ZNF721: variants seen among roughly 807,000 people sequenced by gnomAD.
The protein encoded by ZNF721 is zinc finger protein 721.
ZNF721 carries 2 observed loss-of-function variants against 2.4 expected under a neutral mutation model. That is an observed-to-expected ratio of 0.82 (90% CI 0.34 to 2.58). The LOEUF (loss-of-function observed/expected upper bound fraction) is 2.58, where lower values mean the gene tolerates loss of function less well. Among genes scored for constraint, ZNF721 ranks in the 30% most tolerant of loss-of-function variants. The probability of loss-of-function intolerance (pLI) is 0.11; values close to 1 mark genes in which losing one functional copy is unlikely to be tolerated. For missense variants in ZNF721, 1,187 were observed against 1,085.5 expected (o/e 1.09, Z -1.31); for synonymous variants, 398 against 381.8 (o/e 1.04, Z -0.50).
At chr4:464,468 C>CAAAAA (rs57645783) in intron 2 of ZNF721, among the ~76,000 whole-genome samples, 5 of 78,022 alleles carry the variant, frequency 6.4e-5, no homozygotes, top group Admixed American at 1.6e-4. Context: ...GACTCCACCT[C>CAAAAA]AAAAAAAAAA....
chr4:494,148 A>C (rs1716090415), intron 1 of ZNF721, among the ~76,000 whole-genome samples: 1 of 151,780 alleles, frequency 6.6e-6, no homozygotes, highest in South Asian at 2.1e-4. Flanking sequence ...ATACATAAAC[A>C]CATAGACATA....
Position 490,495 on chromosome 4 carries a change from A to T in ZNF721, c.-94+8561T>A, listed in dbSNP as rs1412316241. On this transcript the variant is annotated intron_variant, in intron 1 of 2. Transcript: ENST00000511833. ...AAAAATAAAAATAAAAATAAAAAAT[A>T]AAAAAATAAAATTATCACAAACAAT... 7.9e-5 allele frequency among the ~76,000 whole-genome samples: 12 copies of T among 151,978 alleles called. 1 individual carries two copies. Among genetic ancestry groups the T allele is most frequent in the Non-Finnish European group, 1.3e-4 (9 of 68,002 alleles).
intron 2 of ZNF721, among the ~76,000 whole-genome samples, chr4:464,064 TAAG>T (rs782040233): frequency 1.2e-4 from 18 of 152,090 alleles, no homozygotes; most frequent in Non-Finnish European, 1.8e-4. Context: ...GAGAAATCAT[TAAG>T]AAGGAACCAA....
At chr4:452,265 A>G (rs1714692391) in intron 2 of ZNF721, among the ~76,000 whole-genome samples, 1 of 152,214 alleles carries the variant, frequency 6.6e-6, no homozygotes, top group Non-Finnish European at 1.5e-5. Context: ...TATCTCAAGG[A>G]TGGGAAATTA....
chr4:442,016 C>T lies in ZNF721; in HGVS notation c.2451G>A (p.Ala817=), dbSNP rs186714659. 1.1e-3 allele frequency: 1,750 copies of T among 1,613,516 alleles called. 19 individuals are homozygous for T. The African/African-American group carries it at 0.019, about 18-fold the overall frequency. Residue 817 remains alanine, a synonymous_variant, in exon 3 of 3, where the codon GCG becomes GCA. Coordinates refer to ENST00000511833, the MANE Select transcript of ZNF721 (RefSeq NM_133474.4). ...KPFKCLECGK[A]FTSSTTLTKH... ...TAGTAAGGGTTGTGGAACTAGTAAA[C>T]GCTTTACCACATTCTAAACATTTAA...
At chr4:455,853 C>A (rs1211937177) in intron 2 of ZNF721, among the ~76,000 whole-genome samples, 1 of 151,996 alleles carries the variant, frequency 6.6e-6, no homozygotes, top group Non-Finnish European at 1.5e-5. Flanking sequence ...CACTTGAAAA[C>A]CTTTAGGCAA....
intron 1 of ZNF721, among the ~76,000 whole-genome samples, chr4:477,246 G>A (rs1288118039): frequency 1.4e-5 from 2 of 146,454 alleles, no homozygotes; most frequent in Non-Finnish European, 3.0e-5. Flanking sequence ...TGAGACACTG[G>A]TGAGTTCCTT....
intron 2 of ZNF721, among the ~76,000 whole-genome samples, chr4:457,310 GA>G (rs1192079114): frequency 6.6e-6 from 1 of 152,158 alleles, no homozygotes; most frequent in African/African-American, 2.4e-5. Context: ...GTTATGTCCT[GA>G]AAAAAGGAAC....
At chr4:478,336 GTTACT>G (rs1359371344) in intron 1 of ZNF721, among the ~76,000 whole-genome samples, 19 of 152,036 alleles carry the variant, frequency 1.2e-4, no homozygotes, top group Non-Finnish European at 1.8e-4. Flanking sequence ...TATACTCGCT[GTTACT>G]TTGTTTTTTT....
chr4:456,338 G>C (rs1714847768), intron 2 of ZNF721, among the ~76,000 whole-genome samples: 1 of 152,098 alleles, frequency 6.6e-6, no homozygotes, highest in African/African-American at 2.4e-5. Flanking sequence ...CCGAAGTGCT[G>C]GGATTACAGG....
chr4:455,677 G>A (rs1714823820), intron 2 of ZNF721, among the ~76,000 whole-genome samples: 1 of 151,842 alleles, frequency 6.6e-6, no homozygotes, highest in African/African-American at 2.4e-5. Context: ...ATAAAAATCA[G>A]TCAAAATTAC....
intron 1 of ZNF721, among the ~76,000 whole-genome samples, chr4:484,535 AAGG>A (rs1225588240): frequency 3.3e-5 from 5 of 152,242 alleles, no homozygotes; most frequent in South Asian, 2.1e-4. Flanking sequence ...CGTCCCTGAG[AAGG>A]AGAATACACG....
At chr4:472,804 T>C (rs1257568875) in intron 1 of ZNF721, 103 bp from the exon 2 acceptor site, 1 of 1,476,052 alleles carries the variant, frequency 6.8e-7, no homozygotes, top group African/African-American at 1.4e-5. Context: ...GATTATCTGA[T>C]AAAACAACTT....
chr4:468,054 C>G (rs559460322), intron 2 of ZNF721, among the ~76,000 whole-genome samples: 1 of 152,164 alleles, frequency 6.6e-6, no homozygotes, highest in Non-Finnish European at 1.5e-5. Flanking sequence ...CCGAGGCGGG[C>G]GGATCACGAG....
intron 1 of ZNF721, among the ~76,000 whole-genome samples, chr4:493,115 T>C (rs1553871735): frequency 1.3e-5 from 2 of 150,884 alleles, no homozygotes. Context: ...ATGATAACTG[T>C]GGTAGTCATA....
At chr4:464,406 T>C (rs537984201) in intron 2 of ZNF721, among the ~76,000 whole-genome samples, 5 of 145,808 alleles carry the variant, frequency 3.4e-5, no homozygotes, top group African/African-American at 1.3e-4. Flanking sequence ...GAGGCAGAGA[T>C]TGCAGTGAGC....
rs1418589488 is a variant in ZNF721 at position 441,972 on chromosome 4, G to C, written c.2495C>G (p.Thr832Ser). 1.2e-6 allele frequency: 2 copies of C among 1,614,092 alleles called. No homozygotes were observed. Among genetic ancestry groups the C allele is most frequent in the Non-Finnish European group, 1.7e-6 (2 of 1,179,978 alleles). ...TTLTKHRRIH[T>S]GEKPYTCEEC... Reference sequence around the variant, plus strand: ...TTCACATGTGTAGGGTTTCTCTCCAGTATGAATTCTCCTATGTTTAGTAAG... The same window carrying C: ...TTCACATGTGTAGGGTTTCTCTCCACTATGAATTCTCCTATGTTTAGTAAG... The change falls in exon 3 of 3, where the codon ACT becomes AGT. Residue 832 changes from threonine (T) to serine (S), a missense_variant. Thr to Ser is a moderately conservative substitution (Grantham distance 58, BLOSUM62 1). Coordinates refer to ENST00000511833, the MANE Select transcript of ZNF721 (RefSeq NM_133474.4).
rs1183639906 is a variant in ZNF721, at chr4:450,950, AAAAAAAATATATATATATAT to A, written c.35-6538_35-6519del. 1.0e-3 allele frequency among the ~76,000 whole-genome samples: 47 copies of A among 45,036 alleles called. 4 individuals carry two copies. The highest frequency in any genetic ancestry group is 4.6e-3 in the African/African-American group (44 of 9,470). The allele number at this position is 45,036 out of a possible 152,430, so 29.5% of individuals were successfully genotyped here. On this transcript the variant is annotated intron_variant, in intron 2 of 2. Coordinates refer to ENST00000511833, the MANE Select transcript of ZNF721 (RefSeq NM_133474.4). ...AGACTCTGTCTCCAAAAAAAAAAAAAAAAAAAATATATATATATATATATATATATATATATATATATATA... is the reference window on the plus strand; with the variant it reads ...AGACTCTGTCTCCAAAAAAAAAAAAAATATATATATATATATATATATATA...
intron 2 of ZNF721, among the ~76,000 whole-genome samples, chr4:466,681 AAG>A (rs1191676477): frequency 1.3e-5 from 2 of 152,208 alleles, no homozygotes; most frequent in Admixed American, 1.3e-4. Context: ...AAAACAAAGA[AAG>A]AAAGTGACAT....
Sources: allele counts gnomAD v4.1 joint callset (sites outside exome capture counted in the v4.1 genomes callset), GRCh38; gene constraint gnomAD v4.1.1; transcripts MANE v1.5; gene names NCBI Gene and HGNC (gene_info 2026-07-23, HGNC 2026-07-21).